CCSER1: variants seen among roughly 807,000 people sequenced by gnomAD.
CCSER1 encodes the protein serine-rich coiled-coil domain-containing protein 1.
In CCSER1, 41 loss-of-function variants were observed where a neutral mutation model predicts 82.0. The ratio of observed to expected loss-of-function variants is 0.50; its 90% CI spans 0.39 to 0.65. The LOEUF is 0.65. Among genes scored for constraint, CCSER1 ranks in the 30% least tolerant of loss-of-function variants. CCSER1 has a pLI of 0.00. For missense variants in CCSER1, 1,119 were observed against 1,064.2 expected, an observed-to-expected ratio of 1.05 and a Z score of -0.72; for synonymous variants, 414 against 383.9, an observed-to-expected ratio of 1.08 and a Z score of -0.92.
chr4:90,706,435 C>A (rs749563138), intron 6 of CCSER1, among the ~76,000 whole-genome samples: 20 of 151,944 alleles, frequency 1.3e-4, no homozygotes, highest in Non-Finnish European at 2.8e-4. Context: ...GACAGTGAGA[C>A]CCTGTCTCTA....
chr4:91,344,513 A>C (rs552230282), intron 10 of CCSER1, among the ~76,000 whole-genome samples: 1 of 152,302 alleles, frequency 6.6e-6, no homozygotes, highest in South Asian at 2.1e-4. Flanking sequence ...TAAGTGTTTT[A>C]AAATAATAGA....
intron 1 of CCSER1, among the ~76,000 whole-genome samples, chr4:90,176,135 G>T (rs987282881): frequency 2.0e-5 from 3 of 151,984 alleles, no homozygotes; most frequent in Non-Finnish European, 2.9e-5. Flanking sequence ...CGTCTTGGCA[G>T]TATCTGTGGA....
At chr4:91,426,547 C>G (rs1348919996) in intron 10 of CCSER1, among the ~76,000 whole-genome samples, 1 of 151,074 alleles carries the variant, frequency 6.6e-6, no homozygotes, top group Non-Finnish European at 1.5e-5. Flanking sequence ...CATGAAAGGT[C>G]AAGAAACTTC....
intron 5 of CCSER1, among the ~76,000 whole-genome samples, chr4:90,620,612 G>A (rs560856205): frequency 1.1e-3 from 169 of 152,172 alleles, no homozygotes; most frequent in African/African-American, 3.9e-3. Context: ...TAGATTTAAT[G>A]TCTTTCTTAC....
chr4:91,419,330 C>A (rs564999955), intron 10 of CCSER1, among the ~76,000 whole-genome samples: 2 of 152,040 alleles, frequency 1.3e-5, no homozygotes, highest in South Asian at 4.1e-4. Flanking sequence ...ATAGCAAACC[C>A]TGAAAATTCA....
At chr4:90,408,512 G>A (rs541001059) in intron 4 of CCSER1, among the ~76,000 whole-genome samples, 9 of 152,184 alleles carry the variant, frequency 5.9e-5, no homozygotes, top group Non-Finnish European at 1.0e-4. Flanking sequence ...TGCTGATACC[G>A]AGGCAAACAG....
chr4:91,160,441 TCTAGTTCTAGA>T (rs1421599935), intron 10 of CCSER1, among the ~76,000 whole-genome samples: 1 of 152,224 alleles, frequency 6.6e-6, no homozygotes, highest in African/African-American at 2.4e-5. Flanking sequence ...AAATGGTATT[TCTAGTTCTAGA>T]TCATTGAGGA....
At chr4:91,220,980 G>A (rs62311963) in intron 10 of CCSER1, among the ~76,000 whole-genome samples, 8,808 of 152,012 alleles carry the variant, frequency 0.058, 498 homozygotes, top group African/African-American at 0.15. Context: ...ATTAACTGAC[G>A]TATTCAATAC....
At position 90,964,237 on chromosome 4, in the gene CCSER1, A is replaced by G. The variant is rs538950622; in HGVS notation, c.2172+40790A>G. ...TCATAGAAGTGAACAACTAAAAATAACATTGTTTCCAAATTGAAGTATTCC... is the reference window on the plus strand; with the variant it reads ...TCATAGAAGTGAACAACTAAAAATAGCATTGTTTCCAAATTGAAGTATTCC... On this transcript the variant is annotated intron_variant, in intron 9 of 10. Transcript: ENST00000509176. Among the ~76,000 whole-genome samples, 8 of 152,324 alleles carry G rather than the reference A, an allele frequency of 5.3e-5. No individual in the cohort carries two copies. The South Asian group carries it at 1.4e-3, about 28-fold the overall frequency.
chr4:90,523,265 T>G (rs1457469935), intron 5 of CCSER1, among the ~76,000 whole-genome samples: 1 of 152,174 alleles, frequency 6.6e-6, no homozygotes, highest in Non-Finnish European at 1.5e-5. Context: ...ATGGTGATGA[T>G]GGACATAGCT....
chr4:90,182,731 A>G (rs1733943145), intron 1 of CCSER1, among the ~76,000 whole-genome samples: 1 of 152,166 alleles, frequency 6.6e-6, no homozygotes, highest in South Asian at 2.1e-4. Context: ...GGAAAGATTG[A>G]CTTTTGAAAA....
intron 10 of CCSER1, among the ~76,000 whole-genome samples, chr4:91,195,970 G>C (rs1174147699): frequency 6.6e-6 from 1 of 151,770 alleles, no homozygotes; most frequent in African/African-American, 2.4e-5. Flanking sequence ...CGCCCACCTC[G>C]GCCTCCCAAG....
intron 10 of CCSER1, among the ~76,000 whole-genome samples, chr4:91,493,816 A>G (rs919481053): frequency 6.6e-6 from 1 of 151,724 alleles, no homozygotes; most frequent in South Asian, 2.1e-4. Flanking sequence ...ACAAATATCT[A>G]ATTTTTTTTA....
intron 5 of CCSER1, among the ~76,000 whole-genome samples, chr4:90,594,195 C>T (rs1783035264): frequency 6.6e-6 from 1 of 151,802 alleles, no homozygotes; most frequent in Non-Finnish European, 1.5e-5. Flanking sequence ...GTTTTATTTT[C>T]TCTTTTAACT....
At chr4:91,358,332 A>AGTT (rs1748995132) in intron 10 of CCSER1, among the ~76,000 whole-genome samples, 2 of 117,666 alleles carry the variant, frequency 1.7e-5, no homozygotes, top group Admixed American at 1.6e-4. Context: ...TTCTTTCTTG[A>AGTT]ATTTTTTTTT....
At chr4:90,304,352 T>C (rs991139066) in intron 1 of CCSER1, among the ~76,000 whole-genome samples, 39 of 152,308 alleles carry the variant, frequency 2.6e-4, no homozygotes, top group Admixed American at 3.3e-4. Flanking sequence ...TGCACACGTA[T>C]GTTTATTGCG....
chr4:90,695,722 T>G (rs1009875682), intron 6 of CCSER1, among the ~76,000 whole-genome samples: 9 of 152,124 alleles, frequency 5.9e-5, no homozygotes, highest in African/African-American at 2.2e-4. Context: ...TAGCACATTT[T>G]ATTTCATTTA....
chr4:91,344,236 G>A lies in CCSER1; in HGVS notation c.2218-254336G>A, dbSNP rs189570496. On this transcript the variant is annotated intron_variant, in intron 10 of 10. Coordinates refer to ENST00000509176, the MANE Select transcript of CCSER1 (RefSeq NM_001145065.2). ...AGAACACATAGAATGCACCATCTCT[G>A]AAGAATAAGGCCCCCACTTGACACC... is the stretch of plus-strand genomic sequence containing the variant. Among the ~76,000 whole-genome samples the A allele has an allele frequency of 7.2e-5, 11 of 152,280 alleles. No individual in the cohort carries two copies. In the East Asian group the frequency reaches 2.1e-3, roughly 29 times the overall value.
chr4:90,292,357 T>C (rs1731088012), intron 1 of CCSER1, among the ~76,000 whole-genome samples: 1 of 151,970 alleles, frequency 6.6e-6, no homozygotes, highest in Non-Finnish European at 1.5e-5. Context: ...TTTCACAGAC[T>C]GCATGCATAT....
Sources: gnomAD v4.1 joint callset for allele counts (sites outside exome capture counted in the v4.1 genomes callset) on GRCh38, gnomAD v4.1.1 for gene constraint, MANE v1.5 for transcripts, NCBI Gene and HGNC (gene_info 2026-07-23, HGNC 2026-07-21) for gene names.